PRICKLE2: variants seen among roughly 807,000 people sequenced by gnomAD.
PRICKLE2 encodes prickle-like protein 2.
A neutral mutation model predicts 81.4 loss-of-function variants in PRICKLE2; 21 were observed. The observed-to-expected ratio is 0.26, with a 90% CI of 0.18 to 0.37. The LOEUF is 0.37. Among genes scored for constraint, PRICKLE2 ranks in the 10% least tolerant of loss-of-function variants. PRICKLE2 has a pLI of 1.00. For synonymous variants in PRICKLE2, 456 were observed against 421.5 expected, an observed-to-expected ratio of 1.08 and a Z score of -1.00; for missense variants, 940 against 1,109.0, an observed-to-expected ratio of 0.85 and a Z score of 2.16.
chr3:64,109,348 C>T (rs1243514139), intron 7 of PRICKLE2, among the ~76,000 whole-genome samples: 1 of 152,194 alleles, frequency 6.6e-6, no homozygotes, highest in African/African-American at 2.4e-5. Flanking sequence ...ATTTTCCTGG[C>T]AGGTTTGAAG....
At chr3:64,108,460 C>T (rs1031482991) in intron 7 of PRICKLE2, among the ~76,000 whole-genome samples, 4 of 152,056 alleles carry the variant, frequency 2.6e-5, no homozygotes, top group African/African-American at 4.8e-5. Context: ...GGAGCTTAAA[C>T]GCCACCACAT....
chr3:64,145,020 TCTA>T lies in PRICKLE2; in HGVS notation c.1660+1807_1660+1809del, dbSNP rs2077422944. On this transcript the variant is annotated intron_variant, in intron 7 of 7. Coordinates refer to ENST00000638394, the MANE Select transcript of PRICKLE2 (RefSeq NM_198859.4). ...TTAAGTAGCACTATCACAGAGAAAA[TCTA>T]CGTTACTCTATTTTTTCCCACATTT... 2.7e-5 allele frequency among the ~76,000 whole-genome samples: 4 copies of T among 150,734 alleles called. No homozygotes were observed. In the South Asian group the frequency reaches 8.4e-4, roughly 32 times the overall value.
At chr3:64,132,706 GTATAGAGAA>G (rs1477616079) in intron 7 of PRICKLE2, among the ~76,000 whole-genome samples, 1 of 152,144 alleles carries the variant, frequency 6.6e-6, no homozygotes, top group African/African-American at 2.4e-5. Flanking sequence ...TCAAACTCTG[GTATAGAGAA>G]TAGATAAAAC....
intron 3 of PRICKLE2, among the ~76,000 whole-genome samples, chr3:64,162,126 G>A (rs538128340): frequency 1.2e-4 from 19 of 152,196 alleles, no homozygotes; most frequent in African/African-American, 3.9e-4. Context: ...CCCCTGGGAC[G>A]GAGCTGCTGG....
chr3:64,106,163 C>T (rs1205840517), intron 7 of PRICKLE2: 1 of 152,186 alleles, frequency 6.6e-6, no homozygotes, highest in Non-Finnish European at 1.5e-5. Flanking sequence ...GCCCTCCAGA[C>T]ATTTACAACT....
chr3:64,239,464 T>C (rs551503059), intron 2 of PRICKLE2, among the ~76,000 whole-genome samples: 53 of 152,318 alleles, frequency 3.5e-4, no homozygotes, highest in Non-Finnish European at 5.6e-4. Context: ...ATGGAGATGC[T>C]TCCCGGAGGG....
At chr3:64,118,119 A>C (rs1260327814) in intron 7 of PRICKLE2, among the ~76,000 whole-genome samples, 1 of 152,186 alleles carries the variant, frequency 6.6e-6, no homozygotes, top group Non-Finnish European at 1.5e-5. Flanking sequence ...TGCCTGCTAA[A>C]TAAATGGTGC....
rs1575523852 is a variant in PRICKLE2 at position 64,093,113 on chromosome 3, A to G, written c.*5938T>C. 1 of 172,542 alleles carries G rather than the reference A, an allele frequency of 5.8e-6. No homozygotes were observed. 10.7% of individuals were successfully genotyped at this position (172,542 alleles called of 1,614,324 possible). A position where few individuals can be genotyped will look rare whatever the true frequency, so the allele number is the denominator to read the frequency against. On this transcript the variant is annotated 3_prime_UTR_variant, in exon 8 of 8. Transcript: ENST00000638394. ...ACTCTAGGTGCCTCAGATAAATGGA[A>G]TCATACACTTGTCTTTTTGTGACTG...
Position 64,171,314 on chromosome 3 carries a change from A to G in PRICKLE2, c.145-8185T>C, listed in dbSNP as rs577558117. 3.3e-5 allele frequency among the ~76,000 whole-genome samples: 5 copies of G among 152,282 alleles called. No homozygotes were observed. In the East Asian group the frequency reaches 5.8e-4, roughly 18 times the overall value. On this transcript the variant is annotated intron_variant, in intron 2 of 7. Coordinates refer to ENST00000638394, the MANE Select transcript of PRICKLE2 (RefSeq NM_198859.4). ...GAGATATTTGACAATGTCTACAAAC[A>G]TTTTTTGTTATTGCAACTTGGGGAG... is the stretch of plus-strand genomic sequence containing the variant.
intron 7 of PRICKLE2, chr3:64,100,276 G>T (rs1425426083): frequency 1.3e-5 from 4 of 298,466 alleles, no homozygotes; most frequent in African/African-American, 2.1e-5. Context: ...TTACATTTTT[G>T]ATTCTAATCA....
At chr3:64,204,095 T>A (rs1481043679) in intron 1 of PRICKLE2, among the ~76,000 whole-genome samples, 1 of 152,118 alleles carries the variant, frequency 6.6e-6, no homozygotes, top group Non-Finnish European at 1.5e-5. Context: ...GGTACTTGGG[T>A]ACCCAACCAA....
intron 7 of PRICKLE2, among the ~76,000 whole-genome samples, chr3:64,112,762 C>T (rs2076869933): frequency 6.6e-6 from 1 of 152,158 alleles, no homozygotes; most frequent in African/African-American, 2.4e-5. Flanking sequence ...AACTGTGCAT[C>T]AGACAAGGCC....
rs180782277 is a variant in PRICKLE2 at position 64,204,621 on chromosome 3, G to T, written c.-40-5654C>A. On this transcript the variant is annotated intron_variant, in intron 1 of 7. Coordinates refer to ENST00000638394, the MANE Select transcript of PRICKLE2 (RefSeq NM_198859.4). ...ACACACGCAAAAGCAAAACCAAGGA[G>T]GGGGGAAGAAAAGGAAAAAAAAAAC... is the stretch of plus-strand genomic sequence containing the variant. Among the ~76,000 whole-genome samples, 1,070 of 149,684 alleles carry T rather than the reference G, an allele frequency of 7.1e-3. 2 individuals carry two copies. The highest frequency in any genetic ancestry group is 8.7e-3 in the Non-Finnish European group (591 of 67,930).
At chr3:64,200,620 CT>C (rs1274767507) in intron 1 of PRICKLE2, 144 of 146,382 alleles carry the variant, frequency 9.8e-4, no homozygotes, top group African/African-American at 2.3e-3. Flanking sequence ...CCACGCCTGG[CT>C]TTTTTTTTTT....
At chr3:64,197,861 A>C (rs1445469093) in intron 2 of PRICKLE2, among the ~76,000 whole-genome samples, 1 of 152,188 alleles carries the variant, frequency 6.6e-6, no homozygotes, top group Non-Finnish European at 1.5e-5. Context: ...TAAAGTTAAA[A>C]AAAAAAAGAA....
chr3:64,114,033 G>A (rs2076894155), intron 7 of PRICKLE2, among the ~76,000 whole-genome samples: 2 of 152,136 alleles, frequency 1.3e-5, no homozygotes, highest in African/African-American at 4.8e-5. Flanking sequence ...ATGTCGCAGA[G>A]CCAGATAACA....
In PRICKLE2 at chr3:64,147,728, G is replaced by A. The variant is rs1170810020; in HGVS notation, c.788-26C>T. On this transcript the variant is annotated intron_variant, in intron 6 of 7. Transcript: ENST00000638394. This position sits in a 1 kb window ranked among gnomAD's most constrained non-coding sequence, Gnocchi z 5.0. ...CTAAAAAAATGAGAGACATTGGAGA[G>A]GCTGATGAGCTGCTCAGAGCTCTGC... 1.2e-6 allele frequency: 2 copies of A among 1,612,854 alleles called. No individual in the cohort carries two copies. Among genetic ancestry groups the A allele is most frequent in the Non-Finnish European group, 1.7e-6 (2 of 1,179,862 alleles).
chr3:64,168,308 GGAA>G (rs774222786), intron 2 of PRICKLE2, among the ~76,000 whole-genome samples: 2 of 152,098 alleles, frequency 1.3e-5, no homozygotes, highest in African/African-American at 2.4e-5. Flanking sequence ...GGGCCACACT[GGAA>G]GAAGAAGAAT....
intron 1 of PRICKLE2, among the ~76,000 whole-genome samples, chr3:64,214,291 G>A (rs561832914): frequency 4.6e-5 from 7 of 152,126 alleles, no homozygotes; most frequent in African/African-American, 1.2e-4. Flanking sequence ...CAGAGGCTCC[G>A]GACGACCCCA....
Sources: gnomAD v4.1 joint callset for allele counts (sites outside exome capture counted in the v4.1 genomes callset) on GRCh38, gnomAD v4.1.1 for gene constraint, Gnocchi (gnomAD v3.1) non-coding constraint, MANE v1.5 for transcripts, NCBI Gene and HGNC (gene_info 2026-07-23, HGNC 2026-07-21) for gene names.